PABIR3: variants seen among roughly 807,000 people sequenced by gnomAD.
PABIR3 encodes PABIR family member 3.
In PABIR3, 20 loss-of-function variants were observed where a neutral mutation model predicts 23.1. The observed-to-expected ratio is 0.86, with a 90% CI of 0.61 to 1.26. The LOEUF (loss-of-function observed/expected upper bound fraction) is 1.26. Among genes scored for constraint, PABIR3 ranks in the 50% most tolerant of loss-of-function variants. PABIR3 has a pLI of 0.00. For synonymous variants in PABIR3, 69 were observed against 68.5 expected (o/e 1.01, Z -0.04); for missense variants, 189 against 195.4 (o/e 0.97, Z 0.20).
At chrX:134,863,547 T>C in the PABIR3 span, among the ~76,000 whole-genome samples, 1 of 111,744 alleles carries the variant, frequency 8.9e-6, no homozygotes, top group Non-Finnish European at 1.9e-5. Context: ...TCCCAGTCGT[T>C]GGTACCAGTT....
At chrX:134,864,595 T>C in the PABIR3 span, among the ~76,000 whole-genome samples, 2 of 112,093 alleles carry the variant, frequency 1.8e-5, no homozygotes, top group African/African-American at 6.5e-5. Flanking sequence ...TATTTTTGCC[T>C]GGAATAATGT....
downstream of PABIR3, among the ~76,000 whole-genome samples, chrX:134,857,513 T>C (rs1016877590): frequency 2.7e-5 from 3 of 111,902 alleles, no homozygotes; most frequent in African/African-American, 9.7e-5. Flanking sequence ...AATTTCAAGA[T>C]ACCTTTTTGA....
At chrX:134,848,100 C>A in intron 8 of PABIR3, 129 bp downstream of exon 8, 1 of 600,309 alleles carries the variant, frequency 1.7e-6, no homozygotes, top group Non-Finnish European at 2.5e-6. Flanking sequence ...ATTAAAATGT[C>A]ATTGTTTCGG....
intron 6 of PABIR3, among the ~76,000 whole-genome samples, chrX:134,845,628 C>T (rs1458269435): frequency 9.0e-6 from 1 of 111,382 alleles, no homozygotes; most frequent in Non-Finnish European, 1.9e-5. Context: ...CTCAATGGAT[C>T]GTCCTGCCTC....
downstream of PABIR3, among the ~76,000 whole-genome samples, chrX:134,856,582 G>A: frequency 9.0e-6 from 1 of 111,609 alleles, no homozygotes; most frequent in Non-Finnish European, 1.9e-5. Context: ...TTCCATAGTT[G>A]GTTCTCCATT....
chrX:134,845,376 A>T lies in PABIR3; in HGVS notation c.320A>T (p.His107Leu), dbSNP rs758253041. 1 of 1,203,322 alleles carries T rather than the reference A, an allele frequency of 8.3e-7. No homozygotes were observed. The highest frequency in any genetic ancestry group is 1.1e-6 in the Non-Finnish European group (1 of 893,101). ...WKLQSEIQIS[H>L]SWEEGLKLND... ...CTACAAAGTGAGATACAGATAAGTCACTCTTGGGAAGAAGGCTTGAAACTG... is the reference window on the plus strand; with the variant it reads ...CTACAAAGTGAGATACAGATAAGTCTCTCTTGGGAAGAAGGCTTGAAACTG... The change falls in exon 6 of 11, where the codon CAC becomes CTC. Residue 107 changes from histidine to leucine, a missense_variant. Transcript: ENST00000645433.
At chrX:134,854,884 A>T, downstream of PABIR3, 1 of 112,194 alleles carries the variant, frequency 8.9e-6, no homozygotes, top group South Asian at 3.7e-4. Flanking sequence ...ATTAACCCTG[A>T]TTAATTTTGT....
chrX:134,855,191 C>T (rs774233044), downstream of PABIR3, among the ~76,000 whole-genome samples: 5 of 110,167 alleles, frequency 4.5e-5, no homozygotes, highest in South Asian at 3.8e-4. Context: ...TCCCAGCACT[C>T]TGGGAGGCCA....
Position 134,821,467 on chromosome X carries a change from A to G in PABIR3, c.189+6618A>G. On this transcript the variant is annotated intron_variant, in intron 3 of 10. Coordinates refer to ENST00000645433, the MANE Select transcript of PABIR3 (RefSeq NM_001388447.1). Reference sequence around the variant, plus strand: ...CATGCCTGTTCCTTTCTCTCCCACCAGGAATTCTGGCACTTCTGCTCAAGC... The same window carrying G: ...CATGCCTGTTCCTTTCTCTCCCACCGGGAATTCTGGCACTTCTGCTCAAGC... 6 of 1,153,839 alleles carry G rather than the reference A, an allele frequency of 5.2e-6. No homozygotes were observed. In the African/African-American group the frequency reaches 5.4e-5, roughly 10 times the overall value.
intron 3 of PABIR3, among the ~76,000 whole-genome samples, chrX:134,816,365 A>AG (rs201300496): frequency 0.013 from 1,424 of 112,089 alleles, 21 homozygotes; most frequent in African/African-American, 0.045. Context: ...CTTTTTGCCC[A>AG]GCTGGAGTGC....
intron 3 of PABIR3, among the ~76,000 whole-genome samples, chrX:134,819,555 A>G (rs141525139): frequency 2.2e-3 from 251 of 111,755 alleles, no homozygotes; most frequent in Non-Finnish European, 3.7e-3. Flanking sequence ...GATGAATTAG[A>G]ATGCTTTTGG....
chrX:134,834,794 A>G (rs910715246), intron 4 of PABIR3, among the ~76,000 whole-genome samples: 5 of 111,749 alleles, frequency 4.5e-5, no homozygotes, highest in Non-Finnish European at 7.5e-5. Flanking sequence ...TATTTTTGTC[A>G]GGTTTGTTGA....
At chrX:134,852,248 G>A (rs2082660615) in intron 9 of PABIR3, among the ~76,000 whole-genome samples, 1 of 111,873 alleles carries the variant, frequency 8.9e-6, no homozygotes, top group Non-Finnish European at 1.9e-5. Flanking sequence ...GCCAAGGTGG[G>A]TGGATCACCT....
chrX:134,842,917 A>G (rs749114568), intron 4 of PABIR3, among the ~76,000 whole-genome samples: 3 of 107,014 alleles, frequency 2.8e-5, no homozygotes, highest in Non-Finnish European at 5.8e-5. Context: ...AAAAGCATTA[A>G]TTTGGCCGGG....
rs760786045 is a variant in PABIR3 at position 134,847,380 on chromosome X, C to G, written c.346-3C>G. On this transcript the variant is annotated splice_region_variant and splice_polypyrimidine_tract_variant and intron_variant, in intron 6 of 10. Transcript: ENST00000645433. ...AATTGTACACTGCTTTCTGCTTACA[C>G]AGAATGACAATGGCTTACAGAAATC... 8.4e-7 allele frequency: 1 copy of G among 1,195,758 alleles called. No individual in the cohort carries two copies.
At chrX:134,852,769 AC>A (rs2082680825) in intron 9 of PABIR3, 30 bp from the exon 10 acceptor site, 1 of 859,585 alleles carries the variant, frequency 1.2e-6, no homozygotes, top group African/African-American at 2.1e-5. Flanking sequence ...GTTAAATAAA[AC>A]ATCTACCTTG....
chrX:134,819,375 T>G (rs2081158128), intron 3 of PABIR3, among the ~76,000 whole-genome samples: 1 of 112,076 alleles, frequency 8.9e-6, no homozygotes, highest in African/African-American at 3.2e-5. Context: ...GAAGTCATTT[T>G]AACTTATTGG....
intron 9 of PABIR3, among the ~76,000 whole-genome samples, chrX:134,851,505 C>T (rs1361380232): frequency 2.8e-5 from 3 of 106,782 alleles, no homozygotes; most frequent in Non-Finnish European, 5.8e-5. Flanking sequence ...CACTGCACTC[C>T]AGCCTGGACA....
In PABIR3 at chrX:134,847,905, A is replaced by G. The variant is rs1463065266; in HGVS notation, c.461A>G (p.Gln154Arg). 1 of 1,155,473 alleles carries G rather than the reference A, an allele frequency of 8.7e-7. No individual in the cohort carries two copies. Among genetic ancestry groups the G allele is most frequent in the Admixed American group, 2.6e-5 (1 of 38,679 alleles). ...TGKQCFSPSL[Q>R]TCVSCTGSPS... The stretch of plus-strand genomic sequence containing the variant: ...TAGCAGTGTTTCTCTCCATCATTAC[A>G]AACTTGTGTGAGTTGCACTGGTTCG... The change falls in exon 8 of 11, where the codon CAA (glutamine) becomes CGA (arginine). Residue 154 changes from glutamine (Q) to arginine (R), a missense_variant. By Grantham distance (43) the Gln-to-Arg change is conservative (BLOSUM62 1). Coordinates refer to ENST00000645433, the MANE Select transcript of PABIR3 (RefSeq NM_001388447.1).
Sources: gnomAD v4.1 joint callset for allele counts (sites outside exome capture counted in the v4.1 genomes callset) on GRCh38, gnomAD v4.1.1 for gene constraint, MANE v1.5 for transcripts, NCBI Gene and HGNC (gene_info 2026-07-23, HGNC 2026-07-21) for gene names.